The following REEP3 variants were observed in gnomAD, a reference collection of about 807,000 sequenced individuals.
REEP3 encodes the protein receptor accessory protein 3.
REEP3 carries 20 observed loss-of-function variants against 41.3 expected under a neutral mutation model. That is an observed-to-expected ratio of 0.48 (90% confidence interval 0.34 to 0.70). The LOEUF is 0.70. REEP3 is among the 30% of genes least tolerant of loss of function. REEP3 has a pLI of 0.01. For synonymous variants in REEP3, 104 were observed against 101.8 expected (o/e 1.02, Z -0.13); for missense variants, 271 against 308.8 (o/e 0.88, Z 0.92).
At chr10:63,526,144 A>G (rs1955362423) in intron 1 of REEP3, among the ~76,000 whole-genome samples, 1 of 152,212 alleles carries the variant, frequency 6.6e-6, no homozygotes, top group Admixed American at 6.5e-5. Flanking sequence ...TTTTAATTAG[A>G]GTATAGTAAA....
chr10:63,545,512 C>T (rs1289295482), intron 1 of REEP3, among the ~76,000 whole-genome samples: 1 of 151,904 alleles, frequency 6.6e-6, no homozygotes, highest in South Asian at 2.1e-4. Context: ...ATAGCTGGGA[C>T]TACAGGCACC....
chr10:63,623,362 A>AC lies in REEP3; in HGVS notation c.*2493_*2494insC, dbSNP rs1956369498. ...TACATTTTTGTTTCTTTTAAGGTAG[A>AC]ACAGATCTTTTTTTGTTTCTCCTTT... On this transcript the variant is annotated 3_prime_UTR_variant, in exon 8 of 8. Transcript: ENST00000373758. 1 of 152,074 alleles carries AC rather than the reference A, an allele frequency of 6.6e-6. No individual in the cohort carries two copies. Among genetic ancestry groups the AC allele is most frequent in the South Asian group, 2.1e-4 (1 of 4,824 alleles). The allele number at this position is 152,074 out of a possible 1,614,324, so 9.4% of individuals were successfully genotyped here. A position where few individuals can be genotyped will look rare whatever the true frequency, so the allele number is the denominator to read the frequency against.
intron 5 of REEP3, among the ~76,000 whole-genome samples, chr10:63,606,277 T>C (rs1306820279): frequency 6.8e-6 from 1 of 147,900 alleles, no homozygotes; most frequent in Non-Finnish European, 1.5e-5. Flanking sequence ...CTTTCTTTCT[T>C]TTTCTTTCTT....
At position 63,521,519 on chromosome 10, in the gene REEP3, G is replaced by A. The variant is rs759307885; in HGVS notation, c.-27G>A. On this transcript the variant is annotated 5_prime_UTR_variant, in exon 1 of 8. Transcript: ENST00000373758. Reference sequence around the variant, plus strand: ...GCAGCGCCCTGCGCCCACCCGCCCCGGACGTGGGGCCCAAGCCCCCGTGAA... The same window carrying A: ...GCAGCGCCCTGCGCCCACCCGCCCCAGACGTGGGGCCCAAGCCCCCGTGAA... 6.4e-6 allele frequency: 9 copies of A among 1,402,020 alleles called. No homozygotes were observed. The South Asian group carries it at 1.2e-4, about 19-fold the overall frequency. 86.8% of individuals were successfully genotyped at this position (1,402,020 alleles called of 1,614,324 possible). A position where few individuals can be genotyped will look rare whatever the true frequency, so the allele number is the denominator to read the frequency against.
At chr10:63,536,410 A>C (rs184066399) in intron 1 of REEP3, among the ~76,000 whole-genome samples, 83 of 152,312 alleles carry the variant, frequency 5.4e-4, no homozygotes, top group African/African-American at 1.9e-3. Context: ...TAATAATTTT[A>C]TCTCTCTCTA....
At chr10:63,548,448 C>CT (rs1276719800) in intron 1 of REEP3, among the ~76,000 whole-genome samples, 1 of 151,928 alleles carries the variant, frequency 6.6e-6, no homozygotes, top group African/African-American at 2.4e-5. Context: ...TAAAGAAGAG[C>CT]TTTTTTACCA....
rs1197422330 is a variant in REEP3, at chr10:63,575,810, C to T, written c.105+9400C>T. Among the ~76,000 whole-genome samples the T allele has an allele frequency of 2.0e-5, 3 of 152,112 alleles. No homozygotes were observed. The South Asian group carries it at 6.2e-4, about 32-fold the overall frequency. On this transcript the variant is annotated intron_variant, in intron 2 of 7. Coordinates refer to ENST00000373758, the MANE Select transcript of REEP3 (RefSeq NM_001001330.3). ...GTGCAGTGGTGCAATCTCGGCTCAC[C>T]GCAACCTCTGCCTCCCAGGTTCAAG...
chr10:63,532,898 C>T lies in REEP3; in HGVS notation c.32+11321C>T, dbSNP rs532111459. Among the ~76,000 whole-genome samples the T allele has an allele frequency of 3.3e-5, 5 of 152,272 alleles. No homozygotes were observed. In the South Asian group the frequency reaches 1.0e-3, roughly 32 times the overall value. On this transcript the variant is annotated intron_variant, in intron 1 of 7. Transcript: ENST00000373758. ...CCAGCCTGGGCGACAGAGCGAGACC[C>T]TGTCTCATAAAAAAGAAGAGGAGAA...
At chr10:63,531,488 G>A (rs1955420680) in intron 1 of REEP3, among the ~76,000 whole-genome samples, 1 of 152,140 alleles carries the variant, frequency 6.6e-6, no homozygotes, top group South Asian at 2.1e-4. Context: ...AAGTAAAAAG[G>A]GAAGAAAAAT....
chr10:63,536,904 A>G (rs1374782240), intron 1 of REEP3, among the ~76,000 whole-genome samples: 1 of 152,222 alleles, frequency 6.6e-6, no homozygotes, highest in Non-Finnish European at 1.5e-5. Context: ...TCATGATGCC[A>G]GTAGGAGAGT....
chr10:63,523,673 G>A (rs1483616102), intron 1 of REEP3, among the ~76,000 whole-genome samples: 1 of 152,080 alleles, frequency 6.6e-6, no homozygotes, highest in Non-Finnish European at 1.5e-5. Context: ...AATCTAGGCA[G>A]CCAAAGATGA....
intron 1 of REEP3, among the ~76,000 whole-genome samples, chr10:63,530,008 A>G (rs1279150649): frequency 2.0e-5 from 3 of 150,022 alleles, no homozygotes; most frequent in Non-Finnish European, 3.0e-5. Context: ...TCAACTCCTG[A>G]CCTCAGGTGA....
At chr10:63,579,062 T>G (rs1412308011) in intron 2 of REEP3, among the ~76,000 whole-genome samples, 1 of 149,944 alleles carries the variant, frequency 6.7e-6, no homozygotes, top group Admixed American at 6.7e-5. Flanking sequence ...AGATGGAGTC[T>G]CTCTCTGTCA....
At chr10:63,535,284 T>A (rs981874098) in intron 1 of REEP3, among the ~76,000 whole-genome samples, 10 of 152,092 alleles carry the variant, frequency 6.6e-5, no homozygotes, top group African/African-American at 2.4e-4. Flanking sequence ...TTTATCTTCC[T>A]GTTAAAAGAC....
At chr10:63,614,221 C>CA (rs566441746) in intron 6 of REEP3, among the ~76,000 whole-genome samples, 13 of 149,766 alleles carry the variant, frequency 8.7e-5, no homozygotes, top group South Asian at 2.1e-4. Flanking sequence ...CCAGATTGGC[C>CA]AAAAAAAAAT....
chr10:63,538,855 C>T (rs1955500189), intron 1 of REEP3, among the ~76,000 whole-genome samples: 1 of 152,184 alleles, frequency 6.6e-6, no homozygotes, highest in Non-Finnish European at 1.5e-5. Context: ...ACATCTGTCA[C>T]CTACTGATAG....
chr10:63,618,139 C>G (rs1178750173), intron 6 of REEP3, among the ~76,000 whole-genome samples: 1 of 151,046 alleles, frequency 6.6e-6, no homozygotes, highest in African/African-American at 2.4e-5. Context: ...AGTCCTTCCA[C>G]TTTCTCCTCA....
chr10:63,542,586 A>C (rs1282045548), intron 1 of REEP3, among the ~76,000 whole-genome samples: 1 of 152,220 alleles, frequency 6.6e-6, no homozygotes, highest in Admixed American at 6.5e-5. Context: ...CAAATACAGC[A>C]CTATATTACC....
intron 1 of REEP3, among the ~76,000 whole-genome samples, chr10:63,522,820 C>T (rs1234321604): frequency 1.3e-5 from 2 of 152,074 alleles, no homozygotes; most frequent in African/African-American, 2.4e-5. Context: ...CCTGTGTTCC[C>T]CTGTACGAAA....
Sources: gnomAD v4.1 joint callset for allele counts (sites outside exome capture counted in the v4.1 genomes callset) on GRCh38, gnomAD v4.1.1 for gene constraint, MANE v1.5 for transcripts, NCBI Gene and HGNC (gene_info 2026-07-23, HGNC 2026-07-21) for gene names.